The following DRC11 variants were observed in gnomAD, a reference collection of about 807,000 sequenced individuals.
DRC11 encodes dynein regulatory complex subunit 11.
chr2:236,331,430 T>C, the DRC11 span: 3 of 1,613,872 alleles, frequency 1.9e-6, no homozygotes, highest in Non-Finnish European at 2.5e-6. This position sits in a 1 kb window ranked among gnomAD's most constrained non-coding sequence, Gnocchi z 4.8. Flanking sequence ...TCAACTGCAG[T>C]GAGAGGTTTA....
At chr2:236,384,978 T>C in the DRC11 span, among the ~76,000 whole-genome samples, 66 of 151,302 alleles carry the variant, frequency 4.4e-4, no homozygotes, top group Middle Eastern at 3.4e-3. Context: ...TGTAGATATT[T>C]GGCGTTATTT....
the DRC11 span, among the ~76,000 whole-genome samples, chr2:236,393,282 C>A: frequency 6.6e-6 from 1 of 152,132 alleles, no homozygotes; most frequent in African/African-American, 2.4e-5. The surrounding 1 kb of genome is among the most constrained non-coding windows in gnomAD (Gnocchi z 4.7). Flanking sequence ...CAGCTGAGGA[C>A]CCAGGGCACA....
the DRC11 span, among the ~76,000 whole-genome samples, chr2:236,401,753 G>A: frequency 2.0e-5 from 3 of 151,820 alleles, no homozygotes; most frequent in Non-Finnish European, 4.4e-5. The surrounding 1 kb of genome is among the most constrained non-coding windows in gnomAD (Gnocchi z 4.6). Flanking sequence ...CCAGGGGGTT[G>A]GTGCGGGGAA....
At chr2:236,308,538 G>A in the DRC11 span, among the ~76,000 whole-genome samples, 2 of 152,200 alleles carry the variant, frequency 1.3e-5, no homozygotes, top group African/African-American at 2.4e-5. This position sits in a 1 kb window ranked among gnomAD's most constrained non-coding sequence, Gnocchi z 6.0. Flanking sequence ...TCACGCTAGC[G>A]CTGCTGTGTG....
At chr2:236,351,289 C>T in the DRC11 span, among the ~76,000 whole-genome samples, 1 of 151,832 alleles carries the variant, frequency 6.6e-6, no homozygotes, top group Non-Finnish European at 1.5e-5. The surrounding 1 kb of genome is among the most constrained non-coding windows in gnomAD (Gnocchi z 7.3). Flanking sequence ...CAGTGAGGGG[C>T]ACCAATGACA....
chr2:236,483,639 G>GT, the DRC11 span, among the ~76,000 whole-genome samples: 2,343 of 152,194 alleles, frequency 0.015, 73 homozygotes, highest in African/African-American at 0.053. This position sits in a 1 kb window ranked among gnomAD's most constrained non-coding sequence, Gnocchi z 4.8. Context: ...AAATAATTAT[G>GT]GTGAACAACA....
chr2:236,495,053 T>C, the DRC11 span, among the ~76,000 whole-genome samples: 2 of 152,204 alleles, frequency 1.3e-5, no homozygotes, highest in Non-Finnish European at 2.9e-5. The surrounding 1 kb of genome is among the most constrained non-coding windows in gnomAD (Gnocchi z 5.6). Flanking sequence ...CACAAAATTA[T>C]AGTTAGCAGG....
chr2:236,453,401 G>A, the DRC11 span, among the ~76,000 whole-genome samples: 2 of 152,174 alleles, frequency 1.3e-5, no homozygotes, highest in African/African-American at 4.8e-5. The surrounding 1 kb of genome is among the most constrained non-coding windows in gnomAD (Gnocchi z 4.9). Flanking sequence ...AGGCCTGATT[G>A]TTTCTGCTCA....
chr2:236,341,858 G>A, the DRC11 span, among the ~76,000 whole-genome samples: 1 of 152,204 alleles, frequency 6.6e-6, no homozygotes, highest in Non-Finnish European at 1.5e-5. Flanking sequence ...TGTGTCACAG[G>A]GAAAACAATG....
chr2:236,449,284 G>A, the DRC11 span, among the ~76,000 whole-genome samples: 2 of 152,198 alleles, frequency 1.3e-5, no homozygotes, highest in Non-Finnish European at 2.9e-5. The surrounding 1 kb of genome is among the most constrained non-coding windows in gnomAD (Gnocchi z 5.1). Flanking sequence ...GCCAACACAT[G>A]GCATGACATG....
the DRC11 span, among the ~76,000 whole-genome samples, chr2:236,477,945 T>G: frequency 6.6e-6 from 1 of 152,102 alleles, no homozygotes; most frequent in Non-Finnish European, 1.5e-5. Flanking sequence ...CTAGTTAGTC[T>G]AGCTAAAAGT....
At chr2:236,329,678 G>A in the DRC11 span, among the ~76,000 whole-genome samples, 2 of 152,194 alleles carry the variant, frequency 1.3e-5, no homozygotes, top group African/African-American at 4.8e-5. Context: ...TAATGAATGT[G>A]TCCCTAAACA....
the DRC11 span, among the ~76,000 whole-genome samples, chr2:236,322,077 C>T: frequency 6.6e-6 from 1 of 152,062 alleles, no homozygotes; most frequent in East Asian, 1.9e-4. Context: ...CATTCCAAGC[C>T]TGTGATAAGC....
chr2:236,476,399 T>C, the DRC11 span, among the ~76,000 whole-genome samples: 1 of 152,220 alleles, frequency 6.6e-6, no homozygotes, highest in African/African-American at 2.4e-5. The surrounding 1 kb of genome is among the most constrained non-coding windows in gnomAD (Gnocchi z 4.7). Flanking sequence ...CTACTGATTT[T>C]TGCATGCTGG....
At chr2:236,376,216 G>C in the DRC11 span, among the ~76,000 whole-genome samples, 2 of 152,206 alleles carry the variant, frequency 1.3e-5, no homozygotes, top group African/African-American at 2.4e-5. This position sits in a 1 kb window ranked among gnomAD's most constrained non-coding sequence, Gnocchi z 5.7. Flanking sequence ...TCAATTGAGA[G>C]ACAGTCTGTG....
chr2:236,491,174 TA>T, the DRC11 span, among the ~76,000 whole-genome samples: 2 of 62,016 alleles, frequency 3.2e-5, no homozygotes, highest in African/African-American at 1.6e-4. Flanking sequence ...TATATATATA[TA>T]TATATACACA....
the DRC11 span, among the ~76,000 whole-genome samples, chr2:236,423,222 G>A: frequency 6.6e-6 from 1 of 151,936 alleles, no homozygotes; most frequent in East Asian, 1.9e-4. Context: ...AAACTAAAGA[G>A]CTTCTGCACA....
chr2:236,444,488 G>T, the DRC11 span, among the ~76,000 whole-genome samples: 1 of 152,118 alleles, frequency 6.6e-6, no homozygotes, highest in Non-Finnish European at 1.5e-5. Context: ...GATCTTGAAG[G>T]CCCCCAGGGG....
chr2:236,416,742 TATATATATATATATATATATATATATAA>T, the DRC11 span, among the ~76,000 whole-genome samples: 2 of 55,952 alleles, frequency 3.6e-5, no homozygotes, highest in African/African-American at 1.4e-4. Flanking sequence ...TATATATATA[TATATATATATATATATATATATATATAA>T]ATAATTTTGC....
Sources: gnomAD v4.1 joint callset for allele counts (sites outside exome capture counted in the v4.1 genomes callset) on GRCh38, gnomAD v4.1.1 for gene constraint, Gnocchi (gnomAD v3.1) non-coding constraint, MANE v1.5 for transcripts, NCBI Gene and HGNC (gene_info 2026-07-23, HGNC 2026-07-21) for gene names.